KIF18B: variants seen among roughly 807,000 people sequenced by gnomAD.
The protein encoded by KIF18B is kinesin-like protein KIF18B.
Under a neutral mutation model 80.9 loss-of-function variants are expected in KIF18B, and 49 were observed. The observed-to-expected ratio is 0.61, with a 90% CI of 0.48 to 0.77. The LOEUF is 0.77. Ranked by LOEUF, KIF18B falls within the 30% of genes least tolerant of loss-of-function variation. The pLI, the probability that KIF18B is intolerant of heterozygous loss-of-function variation, is 0.00. For missense variants in KIF18B, 994 were observed against 1,127.7 expected (o/e 0.88, Z 1.70); for synonymous variants, 439 against 463.9 (o/e 0.95, Z 0.69).
chr17:44,932,258 G>C (rs780312006), intron 9 of KIF18B, 52 bp from the exon 10 acceptor site: 7 of 1,528,862 alleles, frequency 4.6e-6, no homozygotes, highest in Non-Finnish European at 4.4e-6. Context: ...CGGGAAAGGA[G>C]GGTTTGAGAG....
At chr17:44,938,901 G>A (rs558773789) in intron 1 of KIF18B, among the ~76,000 whole-genome samples, 25 of 152,076 alleles carry the variant, frequency 1.6e-4, no homozygotes, top group African/African-American at 5.5e-4. Context: ...AAAATTAGGC[G>A]GGTGTGGTGG....
rs201705917 is a variant in KIF18B at position 44,936,242 on chromosome 17, C to G, written c.103G>C (p.Glu35Gln). ...TCAGGGTTAAACACCAGCACCCGCT[C>G]GTCCACCACCTGAACCACTGGCCGC... is the stretch of plus-strand genomic sequence containing the variant. ...QRRPVVQVVDERVLVFNPEEP... is the reference protein window; with the variant it reads ...QRRPVVQVVDQRVLVFNPEEP... Residue 35 changes from glutamate (E) to glutamine (Q), a missense_variant, in exon 2 of 16, where the codon GAG becomes CAG. Physicochemically the swap from Glu to Gln is conservative, Grantham distance 29. Coordinates refer to ENST00000593135, the MANE Select transcript of KIF18B (RefSeq NM_001265577.2). 6 of 1,610,220 alleles carry G rather than the reference C, an allele frequency of 3.7e-6. No individual in the cohort carries two copies. In the Admixed American group the frequency reaches 6.7e-5, roughly 18 times the overall value.
chr17:44,936,598 C>CTATATATA (rs1218900628), intron 1 of KIF18B, among the ~76,000 whole-genome samples: 28 of 27,852 alleles, frequency 1.0e-3, no homozygotes, highest in South Asian at 2.7e-3. Flanking sequence ...CTCTCTCTCT[C>CTATATATA]TATATATATA....
rs148461053 is a variant in KIF18B at position 44,944,219 on chromosome 17, G to A, written c.-15+3409C>T. ...GTAAGATCTTTGCAACTACATTAAC[G>A]AAACAGATTGACTTGTAATTTTTTT... On this transcript the variant is annotated intron_variant, in intron 1 of 15. Transcript: ENST00000593135. 5.5e-3 allele frequency among the ~76,000 whole-genome samples: 841 copies of A among 152,084 alleles called. 6 individuals carry two copies. Among genetic ancestry groups the A allele is most frequent in the Middle Eastern group, 0.02 (6 of 294 alleles).
Position 44,934,782 on chromosome 17 carries a change from C to A in KIF18B, c.576+49G>T. On this transcript the variant is annotated intron_variant, in intron 4 of 15. Coordinates refer to ENST00000593135, the MANE Select transcript of KIF18B (RefSeq NM_001265577.2). The surrounding 1 kb of genome is among the most constrained non-coding windows in gnomAD (Gnocchi z 5.4). Reference sequence around the variant, plus strand: ...ATCCCCAAACAGTTTTGTGAGGGAACCCCAAGGACCCATGGGGCCGATCAT... The same window carrying A: ...ATCCCCAAACAGTTTTGTGAGGGAAACCCAAGGACCCATGGGGCCGATCAT... 3 of 1,413,480 alleles carry A rather than the reference C, an allele frequency of 2.1e-6. No individual in the cohort carries two copies. The highest frequency in any genetic ancestry group is 2.9e-6 in the Non-Finnish European group (3 of 1,033,562). The allele number at this position is 1,413,480 out of a possible 1,614,324, so 87.6% of individuals were successfully genotyped here.
chr17:44,926,210 CG>C, intron 15 of KIF18B, 24 bp from the exon 16 acceptor site: 1 of 1,613,070 alleles, frequency 6.2e-7, no homozygotes, highest in African/African-American at 1.3e-5. Context: ...GGATGGGTGG[CG>C]GGGAGTGCAG....
At chr17:44,945,906 GAAAAAAA>G (rs749503310) in intron 1 of KIF18B, among the ~76,000 whole-genome samples, 1 of 92,056 alleles carries the variant, frequency 1.1e-5, no homozygotes, top group African/African-American at 4.4e-5. Flanking sequence ...TTCTGTCTCA[GAAAAAAA>G]AAAAAAAAAA....
intron 1 of KIF18B, among the ~76,000 whole-genome samples, chr17:44,939,390 A>AG (rs1439144795): frequency 6.6e-6 from 1 of 150,920 alleles, no homozygotes; most frequent in Non-Finnish European, 1.5e-5. Context: ...AAAAAAAAAA[A>AG]AAGAAACATG....
chr17:44,929,000 A>G lies in KIF18B; in HGVS notation c.1542T>C (p.Val514=), dbSNP rs2052091964. The G allele has an allele frequency of 2.5e-6, 4 of 1,614,008 alleles. No homozygotes were observed. In the East Asian group the frequency reaches 8.9e-5, roughly 36 times the overall value. Reference sequence around the variant, plus strand: ...GGAGCAGGGAGTACTGCCGCTGGGCAACGCACAGCACCTTTAGGGCCAACC... The same window carrying G: ...GGAGCAGGGAGTACTGCCGCTGGGCGACGCACAGCACCTTTAGGGCCAACC... The part of the protein sequence containing the change: ...SKQLALKVLC[V]AQRQYSLLQA... Residue 514 remains valine, a synonymous_variant, in exon 12 of 16, where the codon GTT becomes GTC. Transcript: ENST00000593135.
At chr17:44,947,113 CAAAAAAAAAAAAAAAA>C (rs57955845) in intron 1 of KIF18B, among the ~76,000 whole-genome samples, 2 of 54,000 alleles carry the variant, frequency 3.7e-5, no homozygotes, top group Non-Finnish European at 3.5e-5. Context: ...ACTCCATCTC[CAAAAAAAAAAAAAAAA>C]AAAAAAAAAA....
chr17:44,945,640 C>T (rs965241564), intron 1 of KIF18B, among the ~76,000 whole-genome samples: 3 of 152,020 alleles, frequency 2.0e-5, no homozygotes, highest in African/African-American at 2.4e-5. Context: ...CATGGTGGCT[C>T]ACGCCTGTAA....
At position 44,932,549 on chromosome 17, in the gene KIF18B, C is replaced by CCTTA. The variant is rs1421037546; in HGVS notation, c.1238+120_1238+123dup. On this transcript the variant is annotated intron_variant, in intron 9 of 15. Coordinates refer to ENST00000593135, the MANE Select transcript of KIF18B (RefSeq NM_001265577.2). ...TGCTGGGCAGGCACTGGGTGCAAAC[C>CCTTA]CTTAACCCTAGGGATTGGAGCAGAA... The CCTTA allele has an allele frequency of 1.0e-5, 7 of 700,316 alleles. No individual in the cohort carries two copies. In the African/African-American group the frequency reaches 1.1e-4, roughly 11 times the overall value. 43.4% of individuals were successfully genotyped at this position (700,316 alleles called of 1,614,324 possible).
chr17:44,947,521 CAA>C (rs2052535181), intron 1 of KIF18B, 105 bp downstream of exon 1: 1 of 152,264 alleles, frequency 6.6e-6, no homozygotes, highest in Non-Finnish European at 1.5e-5. Flanking sequence ...ACGTCCAGCA[CAA>C]AAGAGGCCTG....
rs2052510753 is a variant in KIF18B at position 44,946,227 on chromosome 17, CTATTT to C, written c.-15+1396_-15+1400del. Among the ~76,000 whole-genome samples the C allele has an allele frequency of 2.0e-5, 3 of 152,166 alleles. No homozygotes were observed. In the South Asian group the frequency reaches 6.2e-4, roughly 32 times the overall value. On this transcript the variant is annotated intron_variant, in intron 1 of 15. Coordinates refer to ENST00000593135, the MANE Select transcript of KIF18B (RefSeq NM_001265577.2). ...GCTACATGGATACTTTTTTTAACTT[CTATTT>C]TATTTTTTTGCAACAGTATACATGT...
chr17:44,932,877 G>A (rs368760981), intron 8 of KIF18B, 35 bp downstream of exon 8: 141 of 1,591,306 alleles, frequency 8.9e-5, no homozygotes, highest in African/African-American at 6.0e-4. Context: ...TCTGGCTGTC[G>A]GCCCTCCAGC....
intron 3 of KIF18B, 86 bp from the exon 4 acceptor site, chr17:44,935,021 C>T (rs149484522): frequency 1.1e-5 from 11 of 1,024,016 alleles, no homozygotes; most frequent in East Asian, 5.3e-5. Context: ...GAGCTGAGGC[C>T]GGGATGTATC....
chr17:44,935,475 C>G, intron 2 of KIF18B, 59 bp from the exon 3 acceptor site: 1 of 1,496,970 alleles, frequency 6.7e-7, no homozygotes, highest in South Asian at 1.4e-5. Context: ...CTCAGCCCTT[C>G]CCTCCTCCCT....
Position 44,936,025 on chromosome 17 carries a change from T to A in KIF18B, c.313+7A>T. 6.2e-7 allele frequency: 1 copy of A among 1,612,952 alleles called. No individual in the cohort carries two copies. Among genetic ancestry groups the A allele is most frequent in the South Asian group, 1.1e-5 (1 of 91,064 alleles). ...AGGCCACTGCCAGGCAGGGCTGAGG[T>A]TCTCACCTGAGCAGTTGTAGCCCTG... On this transcript the variant is annotated splice_region_variant and intron_variant, in intron 2 of 15. Transcript: ENST00000593135.
intron 1 of KIF18B, among the ~76,000 whole-genome samples, chr17:44,947,310 C>T (rs900191716): frequency 6.6e-6 from 1 of 151,996 alleles, no homozygotes; most frequent in Admixed American, 6.6e-5. Flanking sequence ...GAGGACCTTT[C>T]ACGGGGCCGA....
Sources: gnomAD v4.1 joint callset for allele counts (sites outside exome capture counted in the v4.1 genomes callset) on GRCh38, gnomAD v4.1.1 for gene constraint, Gnocchi (gnomAD v3.1) non-coding constraint, MANE v1.5 for transcripts, NCBI Gene and HGNC (gene_info 2026-07-23, HGNC 2026-07-21) for gene names.